Variants in KLF7 observed in about 807,000 individuals in gnomAD.
The protein encoded by KLF7 is Krueppel-like factor 7.
In KLF7, 2 loss-of-function variants were observed where a neutral mutation model predicts 27.3. That is an observed-to-expected ratio of 0.07 (90% confidence interval 0.03 to 0.23). The LOEUF is 0.23. Ranked by LOEUF, KLF7 falls within the 10% of genes least tolerant of loss-of-function variation. The pLI is 1.00. For synonymous variants in KLF7, 165 were observed against 162.4 expected, an observed-to-expected ratio of 1.02 and a Z score of -0.12; for missense variants, 221 against 394.1, an observed-to-expected ratio of 0.56 and a Z score of 3.72.
intron 2 of KLF7, among the ~76,000 whole-genome samples, chr2:207,112,178 T>TTTTTTTTTTTTTTTTTTTTTTTTGA (rs1460339107): frequency 6.8e-6 from 1 of 148,142 alleles, no homozygotes; most frequent in African/African-American, 2.5e-5. Context: ...CAAATGCTTT[T>TTTTTTTTTTTTTTTTTTTTTTTTGA]GAGTGATTAA....
At position 207,096,602 on chromosome 2, in the gene KLF7, T is replaced by C. The variant is rs1201228167; in HGVS notation, c.734-8021A>G. The stretch of plus-strand genomic sequence containing the variant: ...TGGGAGCAGAAGCAGCTTGGTGCTT[T>C]TCAGAAACAGTCATAAAACCAAAAG... On this transcript the variant is annotated intron_variant, in intron 2 of 3. Transcript: ENST00000309446. Among the ~76,000 whole-genome samples the C allele has an allele frequency of 2.0e-5, 3 of 152,124 alleles. No homozygotes were observed. In the East Asian group the frequency reaches 5.8e-4, roughly 29 times the overall value.
chr2:207,169,558 C>A (rs1011892565), upstream of KLF7, among the ~76,000 whole-genome samples: 2 of 152,090 alleles, frequency 1.3e-5, no homozygotes, highest in East Asian at 1.9e-4. Flanking sequence ...TATGGGCATA[C>A]CTCATTTTAT....
intron 1 of KLF7, among the ~76,000 whole-genome samples, chr2:207,146,022 C>A (rs1458940284): frequency 6.6e-6 from 1 of 152,192 alleles, no homozygotes; most frequent in Non-Finnish European, 1.5e-5. Context: ...ACGAGTGTGA[C>A]CATTCTAATG....
chr2:207,144,372 ACT>A (rs753601735), intron 1 of KLF7, among the ~76,000 whole-genome samples: 2 of 152,022 alleles, frequency 1.3e-5, no homozygotes, highest in Non-Finnish European at 2.9e-5. Flanking sequence ...ATCATTTTTC[ACT>A]CTGTTTTCTT....
chr2:207,101,126 AG>A (rs2076755492), intron 2 of KLF7, among the ~76,000 whole-genome samples: 1 of 152,262 alleles, frequency 6.6e-6, no homozygotes, highest in African/African-American at 2.4e-5. Flanking sequence ...AAACAGGAAA[AG>A]TCAAATGCTT....
intron 1 of KLF7, among the ~76,000 whole-genome samples, chr2:207,135,538 C>T (rs2077759286): frequency 6.6e-6 from 1 of 152,104 alleles, no homozygotes; most frequent in African/African-American, 2.4e-5. Flanking sequence ...CAGACCTGTG[C>T]CTGACTTGCA....
rs1192512061 is a variant in KLF7, at chr2:207,080,643, TCA to T, written c.*568_*569del. ...CTGACGCACGGAATAGTAGGACTTTTCACACACAAAGGACAAATAAACCAAGA... is the reference window on the plus strand; with the variant it reads ...CTGACGCACGGAATAGTAGGACTTTTCACACAAAGGACAAATAAACCAAGA... On this transcript the variant is annotated 3_prime_UTR_variant, in exon 4 of 4. Transcript: ENST00000309446. 7.6e-6 allele frequency: 3 copies of T among 393,676 alleles called. No homozygotes were observed. The highest frequency in any genetic ancestry group is 1.4e-4 in the South Asian group (1 of 7,008). The allele number at this position is 393,676 out of a possible 1,614,324, so 24.4% of individuals were successfully genotyped here.
intron 2 of KLF7, among the ~76,000 whole-genome samples, chr2:207,096,507 A>T (rs1364065590): frequency 6.6e-6 from 1 of 152,200 alleles, no homozygotes; most frequent in Non-Finnish European, 1.5e-5. Flanking sequence ...CTGAGATACG[A>T]AGGAGGAGTT....
At chr2:207,082,853 C>T (rs2076304831) in intron 3 of KLF7, among the ~76,000 whole-genome samples, 1 of 152,220 alleles carries the variant, frequency 6.6e-6, no homozygotes, top group African/African-American at 2.4e-5. Flanking sequence ...AAAATATCCA[C>T]CCTTTCCCTT....
chr2:207,101,659 T>A (rs1049429348), intron 2 of KLF7, among the ~76,000 whole-genome samples: 1 of 152,138 alleles, frequency 6.6e-6, no homozygotes, highest in Non-Finnish European at 1.5e-5. Flanking sequence ...CTGACTCCCT[T>A]GAGGCCAGAC....
chr2:207,106,641 A>G (rs951664898), intron 2 of KLF7, among the ~76,000 whole-genome samples: 8 of 152,200 alleles, frequency 5.3e-5, no homozygotes, highest in Non-Finnish European at 1.0e-4. Context: ...AGCGTGAATC[A>G]TACATGCTCT....
intron 1 of KLF7, among the ~76,000 whole-genome samples, chr2:207,159,797 G>T (rs2078489414): frequency 6.6e-6 from 1 of 152,140 alleles, no homozygotes. Context: ...TATATATCAA[G>T]CATGTGGTAC....
At chr2:207,113,585 G>C (rs2077093127) in intron 2 of KLF7, among the ~76,000 whole-genome samples, 1 of 99,180 alleles carries the variant, frequency 1.0e-5, no homozygotes, top group South Asian at 4.0e-4. Flanking sequence ...TTACCCTCCA[G>C]AATACAAAGT....
chr2:207,097,768 T>G (rs1206692305), intron 2 of KLF7, among the ~76,000 whole-genome samples: 1 of 152,238 alleles, frequency 6.6e-6, no homozygotes, highest in Non-Finnish European at 1.5e-5. Context: ...ATTTTTGTAA[T>G]GTGTAATTTG....
At position 207,123,888 on chromosome 2, in the gene KLF7, C is replaced by A. The variant is rs778858728; in HGVS notation, c.619G>T (p.Gly207Trp). Residue 207 changes from glycine to tryptophan, a missense_variant, in exon 2 of 4, where the codon GGG becomes TGG. Gly to Trp is a radical substitution (Grantham distance 184). This residue lies in a region of KLF7 where 180 missense variants were observed against 227.9 expected (regional missense o/e 0.79). Coordinates refer to ENST00000309446, the MANE Select transcript of KLF7 (RefSeq NM_003709.4). The stretch of plus-strand genomic sequence containing the variant: ...TTGTTTTCGGGACATGCTTCAGCCC[C>A]CAGCCCTCCTTGGTCACTGTCGCTC... ...GQSDSDQGGL[G>W]AEACPENKKR... 6.2e-7 allele frequency: 1 copy of A among 1,613,974 alleles called. No homozygotes were observed. The highest frequency in any genetic ancestry group is 1.1e-5 in the South Asian group (1 of 91,056).
intron 1 of KLF7, among the ~76,000 whole-genome samples, chr2:207,144,683 T>C: frequency 6.6e-6 from 1 of 152,306 alleles, no homozygotes; most frequent in East Asian, 1.9e-4. Context: ...GCAGCTTCCA[T>C]ATCTGTCATT....
intron 1 of KLF7, among the ~76,000 whole-genome samples, chr2:207,160,519 G>A (rs1195282439): frequency 2.6e-5 from 4 of 152,134 alleles, no homozygotes; most frequent in Non-Finnish European, 5.9e-5. Flanking sequence ...GGTATCCACC[G>A]ACCCCGTCTG....
chr2:207,128,489 T>C (rs1422541075), intron 1 of KLF7, among the ~76,000 whole-genome samples: 1 of 152,202 alleles, frequency 6.6e-6, no homozygotes, highest in Non-Finnish European at 1.5e-5. Flanking sequence ...TAGAAAGATC[T>C]ATGATGAGAA....
In KLF7 at chr2:207,081,145, G is replaced by GC; in HGVS notation, c.*67dup. ...GCAATGGGTCCCCGCCTGAAGTCCAGCCCCCTGCCTCATGGCGTTTCCTTT... is the reference window on the plus strand; with the variant it reads ...GCAATGGGTCCCCGCCTGAAGTCCAGCCCCCCTGCCTCATGGCGTTTCCTTT... On this transcript the variant is annotated 3_prime_UTR_variant, in exon 4 of 4. Coordinates refer to ENST00000309446, the MANE Select transcript of KLF7 (RefSeq NM_003709.4). The GC allele has an allele frequency of 7.0e-7, 1 of 1,437,988 alleles. No individual in the cohort carries two copies. The highest frequency in any genetic ancestry group is 9.8e-7 in the Non-Finnish European group (1 of 1,019,968). 89.1% of individuals were successfully genotyped at this position (1,437,988 alleles called of 1,614,324 possible). A position where few individuals can be genotyped will look rare whatever the true frequency, so the allele number is the denominator to read the frequency against.
Sources: allele counts gnomAD v4.1 joint callset (sites outside exome capture counted in the v4.1 genomes callset), GRCh38; gene constraint gnomAD v4.1.1; regional missense constraint gnomAD v4.1.1; transcripts MANE v1.5; gene names NCBI Gene and HGNC (gene_info 2026-07-23, HGNC 2026-07-21).